Variants in ZBTB16 observed in about 807,000 individuals in gnomAD.
ZBTB16 encodes the protein zinc finger and BTB domain containing 16.
In ZBTB16, 8 loss-of-function variants were observed where a neutral mutation model predicts 56.8. That is an observed-to-expected ratio of 0.14 (90% CI 0.08 to 0.25). The LOEUF is 0.25. Ranked by LOEUF, ZBTB16 falls within the 10% of genes least tolerant of loss-of-function variation. The pLI, the probability that ZBTB16 is intolerant of heterozygous loss-of-function variation, is 1.00. For missense variants in ZBTB16, 625 were observed against 903.0 expected, an observed-to-expected ratio of 0.69 and a Z score of 3.95; for synonymous variants, 363 against 368.5, an observed-to-expected ratio of 0.98 and a Z score of 0.17.
chr11:114,204,300 G>A (rs548788189), intron 4 of ZBTB16, among the ~76,000 whole-genome samples: 2 of 151,984 alleles, frequency 1.3e-5, no homozygotes, highest in South Asian at 2.1e-4. Flanking sequence ...CACCATGCCC[G>A]GCTAATTTTT....
At chr11:114,233,110 C>G (rs1195340255) in intron 4 of ZBTB16, among the ~76,000 whole-genome samples, 5 of 43,958 alleles carry the variant, frequency 1.1e-4, no homozygotes, top group African/African-American at 2.5e-4. Flanking sequence ...CACACACACA[C>G]ACACACACAC....
intron 2 of ZBTB16, among the ~76,000 whole-genome samples, chr11:114,079,264 A>C (rs1357712016): frequency 6.6e-6 from 1 of 152,134 alleles, no homozygotes; most frequent in Non-Finnish European, 1.5e-5. Context: ...GAGGATAAAA[A>C]ACGTGTAAAG....
chr11:114,187,284 T>C (rs1591762867), intron 4 of ZBTB16: 1 of 599,066 alleles, frequency 1.7e-6, no homozygotes, highest in Non-Finnish European at 3.0e-6. Flanking sequence ...AAGATCTGTC[T>C]CTAACCAGCC....
chr11:114,105,998 A>G (rs576062312), intron 2 of ZBTB16, among the ~76,000 whole-genome samples: 1 of 152,370 alleles, frequency 6.6e-6, no homozygotes, highest in African/African-American at 2.4e-5. Flanking sequence ...AAAAACACTA[A>G]TGCTTTACAC....
intron 2 of ZBTB16, among the ~76,000 whole-genome samples, chr11:114,139,175 C>T (rs548089214): frequency 6.6e-6 from 1 of 152,204 alleles, no homozygotes; most frequent in Non-Finnish European, 1.5e-5. Flanking sequence ...AGAGGAATTG[C>T]TGGAGCATGG....
chr11:114,244,856 C>T (rs967995427), intron 5 of ZBTB16, among the ~76,000 whole-genome samples: 2 of 152,196 alleles, frequency 1.3e-5, no homozygotes, highest in African/African-American at 2.4e-5. Flanking sequence ...CCTTCCCCCC[C>T]ACCGCCGCCT....
chr11:114,137,204 C>G (rs1410711433), intron 2 of ZBTB16, among the ~76,000 whole-genome samples: 3 of 152,178 alleles, frequency 2.0e-5, no homozygotes, highest in Admixed American at 2.0e-4. Flanking sequence ...GAGACCGACC[C>G]TTTTCTACCA....
At chr11:114,105,582 G>A (rs542321140) in intron 2 of ZBTB16, among the ~76,000 whole-genome samples, 4 of 152,166 alleles carry the variant, frequency 2.6e-5, no homozygotes, top group African/African-American at 7.2e-5. Context: ...GCTTTTTGGT[G>A]GAGGTAACAA....
Position 114,076,604 on chromosome 11 carries a change from TCTAC to T in ZBTB16, c.1268+12039_1268+12042del, listed in dbSNP as rs1939574685. ...TTAAGGATCCGCTAACATTTGTGAG[TCTAC>T]CTCCCTGCATTCCCCCCACCCCCAC... is the stretch of plus-strand genomic sequence containing the variant. On this transcript the variant is annotated intron_variant, in intron 2 of 6. Transcript: ENST00000335953. 2.0e-5 allele frequency among the ~76,000 whole-genome samples: 3 copies of T among 152,186 alleles called. No homozygotes were observed. In the South Asian group the frequency reaches 6.2e-4, roughly 32 times the overall value.
intron 6 of ZBTB16, 68 bp downstream of exon 6, chr11:114,247,433 T>A: frequency 6.2e-7 from 1 of 1,603,308 alleles, no homozygotes; most frequent in Non-Finnish European, 8.5e-7. Flanking sequence ...GCAGATAGTC[T>A]CCTAGAGAAG....
At chr11:114,095,245 C>CTTTTCTTTTCTTTTTTTTTTT (rs1555132749) in intron 2 of ZBTB16, among the ~76,000 whole-genome samples, 19 of 90,460 alleles carry the variant, frequency 2.1e-4, no homozygotes, top group African/African-American at 9.3e-4. Context: ...CTTTTCTTTT[C>CTTTTCTTTTCTTTTTTTTTTT]TTTTTTTTTT....
At chr11:114,091,556 CCTT>C (rs1489550457) in intron 2 of ZBTB16, among the ~76,000 whole-genome samples, 3 of 151,826 alleles carry the variant, frequency 2.0e-5, no homozygotes, top group Non-Finnish European at 4.4e-5. Context: ...CCACTTCTGG[CCTT>C]CTTTGTGCTT....
intron 2 of ZBTB16, among the ~76,000 whole-genome samples, chr11:114,138,910 C>T (rs631227): frequency 2.0e-5 from 3 of 152,024 alleles, no homozygotes; most frequent in African/African-American, 4.8e-5. Context: ...AGGCTGGTCT[C>T]GAACTCCTGA....
At chr11:114,075,510 G>T (rs1367384988) in intron 2 of ZBTB16, among the ~76,000 whole-genome samples, 4 of 151,674 alleles carry the variant, frequency 2.6e-5, no homozygotes, top group Non-Finnish European at 5.9e-5. Context: ...AGGCTTGAGT[G>T]CAGTGGCGCG....
chr11:114,111,265 C>T (rs916287870), intron 2 of ZBTB16, among the ~76,000 whole-genome samples: 2 of 152,040 alleles, frequency 1.3e-5, no homozygotes, highest in African/African-American at 2.4e-5. Flanking sequence ...CCTAATTACA[C>T]TGTAGTTTCC....
intron 2 of ZBTB16, among the ~76,000 whole-genome samples, chr11:114,093,990 A>G (rs1201561912): frequency 1.3e-5 from 2 of 152,206 alleles, no homozygotes; most frequent in African/African-American, 4.8e-5. Flanking sequence ...CCTTCTGGTT[A>G]GGCTCTTCAG....
chr11:114,157,830 C>T (rs1034993121), intron 3 of ZBTB16, among the ~76,000 whole-genome samples: 2 of 152,150 alleles, frequency 1.3e-5, no homozygotes, highest in African/African-American at 2.4e-5. Context: ...TCTCTCTCAG[C>T]GCGTCTACTG....
intron 2 of ZBTB16, among the ~76,000 whole-genome samples, chr11:114,154,746 G>A (rs1300679442): frequency 6.6e-6 from 1 of 152,174 alleles, no homozygotes; most frequent in African/African-American, 2.4e-5. Context: ...GTGTGTGTGT[G>A]TATGTTTGTG....
chr11:114,189,155 G>A (rs1188692572), intron 4 of ZBTB16: 1 of 152,092 alleles, frequency 6.6e-6, no homozygotes, highest in Non-Finnish European at 1.5e-5. Context: ...TCCTTTGGAG[G>A]GTGACAAAAT....
Sources: gnomAD v4.1 joint callset for allele counts (sites outside exome capture counted in the v4.1 genomes callset) on GRCh38, gnomAD v4.1.1 for gene constraint, MANE v1.5 for transcripts, NCBI Gene and HGNC (gene_info 2026-07-23, HGNC 2026-07-21) for gene names.